Variants in PKNOX2 observed in about 807,000 individuals in gnomAD.
PKNOX2 encodes the protein PBX/knotted 1 homeobox 2.
PKNOX2 carries 14 observed loss-of-function variants against 53.1 expected under a neutral mutation model. The observed-to-expected ratio is 0.26, with a 90% confidence interval of 0.17 to 0.41. The LOEUF is 0.41. Among genes scored for constraint, PKNOX2 ranks in the 10% least tolerant of loss-of-function variants. The pLI is 1.00. For synonymous variants in PKNOX2, 257 were observed against 242.8 expected, an observed-to-expected ratio of 1.06 and a Z score of -0.54; for missense variants, 496 against 602.8, an observed-to-expected ratio of 0.82 and a Z score of 1.85.
intron 2 of PKNOX2, chr11:125,258,521 T>A (rs1211959075): frequency 6.5e-6 from 1 of 152,722 alleles, no homozygotes; most frequent in Non-Finnish European, 1.5e-5. Flanking sequence ...TAGGGAAATA[T>A]CTTCTTTGCA....
chr11:125,295,964 A>G (rs1361513209), intron 2 of PKNOX2, among the ~76,000 whole-genome samples: 1 of 152,114 alleles, frequency 6.6e-6, no homozygotes, highest in Non-Finnish European at 1.5e-5. Flanking sequence ...CATCTCAGTA[A>G]AGGGCAAATC....
At chr11:125,204,549 C>G (rs1321092234) in intron 1 of PKNOX2, among the ~76,000 whole-genome samples, 1 of 152,146 alleles carries the variant, frequency 6.6e-6, no homozygotes, top group Admixed American at 6.5e-5. Context: ...ACGACACATC[C>G]CAGTTTGCCT....
At chr11:125,364,109 AACTT>A (rs1262554571) in intron 4 of PKNOX2, among the ~76,000 whole-genome samples, 2 of 152,174 alleles carry the variant, frequency 1.3e-5, no homozygotes, top group Admixed American at 6.5e-5. Flanking sequence ...CCCCCAAAAA[AACTT>A]ACTTCAAGCT....
chr11:125,293,747 A>T (rs970394782), intron 2 of PKNOX2, among the ~76,000 whole-genome samples: 2 of 151,996 alleles, frequency 1.3e-5, no homozygotes, highest in Admixed American at 1.3e-4. Flanking sequence ...ACACTCACAC[A>T]CACTCACACA....
intron 1 of PKNOX2, among the ~76,000 whole-genome samples, chr11:125,220,699 T>C (rs1387386655): frequency 1.3e-5 from 2 of 152,196 alleles, no homozygotes; most frequent in Non-Finnish European, 1.5e-5. Context: ...CCTTGTTCTA[T>C]TTCTCCATCC....
At chr11:125,347,066 C>T (rs59391248) in intron 3 of PKNOX2, among the ~76,000 whole-genome samples, 2 of 152,154 alleles carry the variant, frequency 1.3e-5, no homozygotes, top group African/African-American at 2.4e-5. Flanking sequence ...AGGGAGTGGG[C>T]GGAATGGCGT....
intron 1 of PKNOX2, among the ~76,000 whole-genome samples, chr11:125,211,652 C>T (rs951494474): frequency 3.0e-4 from 46 of 152,194 alleles, no homozygotes; most frequent in African/African-American, 1.1e-3. Flanking sequence ...CCTCCTGGCC[C>T]CTGCAGCTTC....
At chr11:125,269,725 G>C (rs1333070528) in intron 2 of PKNOX2, among the ~76,000 whole-genome samples, 1 of 152,188 alleles carries the variant, frequency 6.6e-6, no homozygotes, top group Non-Finnish European at 1.5e-5. Flanking sequence ...GGCAAGGGTG[G>C]TCCAGGTCTC....
intron 6 of PKNOX2, among the ~76,000 whole-genome samples, chr11:125,388,410 C>T (rs769109274): frequency 2.0e-5 from 3 of 152,042 alleles, no homozygotes; most frequent in African/African-American, 2.4e-5. Context: ...ACTGCGCAGC[C>T]GAGCAGGGAC....
At chr11:125,378,589 G>A (rs947348332) in intron 5 of PKNOX2, among the ~76,000 whole-genome samples, 3 of 152,200 alleles carry the variant, frequency 2.0e-5, no homozygotes, top group African/African-American at 7.2e-5. Context: ...GAGCCGGGGG[G>A]CTCCAAGGTC....
At chr11:125,239,010 A>G (rs1474562977) in intron 2 of PKNOX2, among the ~76,000 whole-genome samples, 2 of 152,206 alleles carry the variant, frequency 1.3e-5, no homozygotes, top group Non-Finnish European at 2.9e-5. Flanking sequence ...GCGATCCAGC[A>G]TGTGCAGGTA....
chr11:125,299,740 G>T lies in PKNOX2; in HGVS notation c.-129-32079G>T, dbSNP rs376759355. 7.2e-5 allele frequency among the ~76,000 whole-genome samples: 11 copies of T among 152,224 alleles called. No individual in the cohort carries two copies. In the East Asian group the frequency reaches 1.9e-3, roughly 27 times the overall value. On this transcript the variant is annotated intron_variant, in intron 2 of 12. Transcript: ENST00000298282. ...TTTCCTGGGGTCCTCCTTCTTACCC[G>T]ATTTGGAGAGGGTGAGCGTTGGGGA...
chr11:125,312,622 C>T (rs1320735547), intron 2 of PKNOX2, among the ~76,000 whole-genome samples: 2 of 152,158 alleles, frequency 1.3e-5, no homozygotes, highest in Non-Finnish European at 2.9e-5. Context: ...CCGCACCCTG[C>T]CTGCCACCCC....
chr11:125,408,767 C>G lies in PKNOX2; in HGVS notation c.589-1429C>G, dbSNP rs935820805. Among the ~76,000 whole-genome samples, 11 of 152,284 alleles carry G rather than the reference C, an allele frequency of 7.2e-5. No homozygotes were observed. The East Asian group carries it at 1.9e-3, about 27-fold the overall frequency. The stretch of plus-strand genomic sequence containing the variant: ...CATGGCTGTCCCCCGGGCTGTAACA[C>G]TTTCCCTTCGTTGCTACAGGTAGGC... On this transcript the variant is annotated intron_variant, in intron 7 of 12. Transcript: ENST00000298282.
In PKNOX2 at chr11:125,371,734, C is replaced by G. The variant is rs558822433; in HGVS notation, c.227+3749C>G. Among the ~76,000 whole-genome samples, 19 of 152,180 alleles carry G rather than the reference C, an allele frequency of 1.2e-4. No homozygotes were observed. In the South Asian group the frequency reaches 3.3e-3, roughly 27 times the overall value. On this transcript the variant is annotated intron_variant, in intron 5 of 12. Coordinates refer to ENST00000298282, the MANE Select transcript of PKNOX2 (RefSeq NM_001382323.2). ...AGGCTGAAAGATTCTCTCCGAGAACCAGGGACGCGGAGGTGCTAAAGTTGT... is the reference window on the plus strand; with the variant it reads ...AGGCTGAAAGATTCTCTCCGAGAACGAGGGACGCGGAGGTGCTAAAGTTGT...
chr11:125,427,238 G>A (rs995236668), intron 10 of PKNOX2, among the ~76,000 whole-genome samples: 3 of 152,160 alleles, frequency 2.0e-5, no homozygotes, highest in Admixed American at 6.5e-5. Context: ...TCCTGCCTCC[G>A]CTCCTTCCCA....
At chr11:125,211,013 G>A (rs916574765) in intron 1 of PKNOX2, among the ~76,000 whole-genome samples, 23 of 152,280 alleles carry the variant, frequency 1.5e-4, no homozygotes, top group African/African-American at 5.5e-4. Context: ...GGTTGTGTAT[G>A]GAATGAATGA....
intron 10 of PKNOX2, among the ~76,000 whole-genome samples, chr11:125,423,008 A>T (rs1421870114): frequency 6.6e-6 from 1 of 152,064 alleles, no homozygotes; most frequent in Non-Finnish European, 1.5e-5. Context: ...TAGCTTTCGT[A>T]TATTAACTCA....
chr11:125,323,865 G>A (rs1369368262), intron 2 of PKNOX2, among the ~76,000 whole-genome samples: 1 of 152,222 alleles, frequency 6.6e-6, no homozygotes, highest in Non-Finnish European at 1.5e-5. Flanking sequence ...TTGTGTGTGT[G>A]TGTGTGTGTG....
Sources: allele counts gnomAD v4.1 joint callset (sites outside exome capture counted in the v4.1 genomes callset), GRCh38; gene constraint gnomAD v4.1.1; transcripts MANE v1.5; gene names NCBI Gene and HGNC (gene_info 2026-07-23, HGNC 2026-07-21).